Variants in FSIP1 observed in about 807,000 individuals in gnomAD.
FSIP1 encodes fibrous sheath interacting protein 1.
In FSIP1, 65 loss-of-function variants were observed where a neutral mutation model predicts 60.9. The ratio of observed to expected loss-of-function variants is 1.07; its 90% CI spans 0.87 to 1.31. FSIP1 has a LOEUF of 1.31. Among genes scored for constraint, FSIP1 ranks in the 40% most tolerant of loss-of-function variants. FSIP1 has a pLI of 0.00. For synonymous variants in FSIP1, 209 were observed against 221.2 expected, an observed-to-expected ratio of 0.94 and a Z score of 0.49; for missense variants, 675 against 665.5, an observed-to-expected ratio of 1.01 and a Z score of -0.16.
intron 10 of FSIP1, among the ~76,000 whole-genome samples, chr15:39,668,023 G>A (rs1566877144): frequency 6.6e-6 from 1 of 152,148 alleles, no homozygotes; most frequent in Non-Finnish European, 1.5e-5. Context: ...GAACGGGGTT[G>A]AAAATAAACC....
intron 10 of FSIP1, among the ~76,000 whole-genome samples, chr15:39,700,536 GT>G (rs1482929643): frequency 6.6e-6 from 1 of 152,098 alleles, no homozygotes; most frequent in African/African-American, 2.4e-5. Context: ...TGACCACAAT[GT>G]TTTTTTAAAG....
chr15:39,659,234 C>T (rs1182781772), intron 10 of FSIP1, among the ~76,000 whole-genome samples: 1 of 151,952 alleles, frequency 6.6e-6, no homozygotes, highest in Admixed American at 6.6e-5. Context: ...AAGGATGTAC[C>T]CTCTGTGAGT....
At chr15:39,629,577 C>T (rs1025853189) in intron 10 of FSIP1, among the ~76,000 whole-genome samples, 1 of 152,154 alleles carries the variant, frequency 6.6e-6, no homozygotes, top group African/African-American at 2.4e-5. Flanking sequence ...CTGCGCACAC[C>T]CTCCTCAGGA....
At chr15:39,662,392 C>A (rs1015350805) in intron 10 of FSIP1, among the ~76,000 whole-genome samples, 1 of 152,050 alleles carries the variant, frequency 6.6e-6, no homozygotes, top group Non-Finnish European at 1.5e-5. Flanking sequence ...CAGAAGAGTT[C>A]TTTAGAAGAG....
intron 10 of FSIP1, among the ~76,000 whole-genome samples, chr15:39,674,859 A>C (rs1432981845): frequency 1.3e-5 from 2 of 152,222 alleles, no homozygotes; most frequent in African/African-American, 4.8e-5. Flanking sequence ...TTTAAAAACA[A>C]GGACATACGA....
intron 5 of FSIP1, among the ~76,000 whole-genome samples, chr15:39,761,310 T>C (rs1897489378): frequency 6.6e-6 from 1 of 152,246 alleles, no homozygotes; most frequent in Non-Finnish European, 1.5e-5. Flanking sequence ...AGCCAAGTTA[T>C]GGAATAACCT....
chr15:39,601,485 G>T (rs58716252), intron 11 of FSIP1, among the ~76,000 whole-genome samples: 1 of 152,182 alleles, frequency 6.6e-6, no homozygotes, highest in South Asian at 2.1e-4. Flanking sequence ...TGGTGCAGTA[G>T]CTTTAGAAAC....
At chr15:39,601,440 T>C (rs1890635402) in intron 11 of FSIP1, among the ~76,000 whole-genome samples, 2 of 152,336 alleles carry the variant, frequency 1.3e-5, no homozygotes, top group South Asian at 4.1e-4. Flanking sequence ...CAGGAGAAAC[T>C]GGAACCTTCA....
At chr15:39,617,666 A>G in intron 11 of FSIP1, 69 bp downstream of exon 11, 2 of 1,344,664 alleles carry the variant, frequency 1.5e-6, no homozygotes, top group Non-Finnish European at 2.0e-6. Flanking sequence ...TCTAATTTAA[A>G]CCATAATACC....
At chr15:39,688,018 G>C (rs1894451188) in intron 10 of FSIP1, among the ~76,000 whole-genome samples, 2 of 152,116 alleles carry the variant, frequency 1.3e-5, no homozygotes, top group Admixed American at 1.3e-4. Context: ...TTAGGCTAAG[G>C]GGCCTGCCAA....
chr15:39,618,218 C>G lies in FSIP1; in HGVS notation c.1216G>C (p.Glu406Gln). ...TCATCCAGAAGACACTTTAACTGTTCTTCAGAGAGACATGATGTGGACTCT... is the reference window on the plus strand; with the variant it reads ...TCATCCAGAAGACACTTTAACTGTTGTTCAGAGAGACATGATGTGGACTCT... ...VLESTSCLSE[E>Q]QLKCLLDECI... Residue 406 changes from glutamate to glutamine, a missense_variant, in exon 11 of 12, where the codon GAA (glutamate) becomes CAA (glutamine). By Grantham distance (29) the Glu-to-Gln change is conservative (BLOSUM62 2). Coordinates refer to ENST00000350221, the MANE Select transcript of FSIP1 (RefSeq NM_152597.5). The G allele has an allele frequency of 6.2e-7, 1 of 1,608,994 alleles. No homozygotes were observed. The highest frequency in any genetic ancestry group is 1.7e-5 in the Admixed American group (1 of 59,920).
At chr15:39,653,622 G>A (rs566498003) in intron 10 of FSIP1, among the ~76,000 whole-genome samples, 5 of 152,236 alleles carry the variant, frequency 3.3e-5, no homozygotes, top group East Asian at 3.9e-4. Context: ...GGGAGGGACC[G>A]GGTGGGAGAT....
intron 9 of FSIP1, among the ~76,000 whole-genome samples, chr15:39,714,959 T>G (rs1212122061): frequency 1.7e-5 from 2 of 117,900 alleles, no homozygotes; most frequent in Non-Finnish European, 3.3e-5. Flanking sequence ...GGCAACAGAA[T>G]GAGACTCTGT....
At chr15:39,650,822 C>T (rs1039968547) in intron 10 of FSIP1, among the ~76,000 whole-genome samples, 2 of 152,356 alleles carry the variant, frequency 1.3e-5, no homozygotes, top group African/African-American at 4.8e-5. Context: ...AGTCTCTGTG[C>T]TCTGCTTTCT....
chr15:39,644,484 C>T (rs907653304), intron 10 of FSIP1, among the ~76,000 whole-genome samples: 6 of 152,140 alleles, frequency 3.9e-5, no homozygotes, highest in African/African-American at 1.4e-4. Context: ...ATCAGTCAAA[C>T]CTGCCAGGAT....
At chr15:39,765,388 G>T in intron 4 of FSIP1, among the ~76,000 whole-genome samples, 1 of 151,788 alleles carries the variant, frequency 6.6e-6, no homozygotes, top group Middle Eastern at 3.4e-3. Flanking sequence ...CAACAAGCAC[G>T]TACTACCATG....
intron 10 of FSIP1, among the ~76,000 whole-genome samples, chr15:39,674,346 A>G (rs534224043): frequency 2.6e-5 from 4 of 152,274 alleles, no homozygotes; most frequent in Admixed American, 6.5e-5. Context: ...GAGCCACTGC[A>G]TCCGGCCAAA....
intron 10 of FSIP1, among the ~76,000 whole-genome samples, chr15:39,626,969 G>A (rs568731917): frequency 2.9e-4 from 43 of 148,858 alleles, no homozygotes; most frequent in Non-Finnish European, 2.7e-4. Flanking sequence ...GCACTATCTG[G>A]ACCCTTCCCC....
At chr15:39,734,093 A>G (rs1896518941) in intron 8 of FSIP1, among the ~76,000 whole-genome samples, 1 of 152,224 alleles carries the variant, frequency 6.6e-6, no homozygotes, top group South Asian at 2.1e-4. Flanking sequence ...GTTTTTAAAG[A>G]CACACACAAA....
Sources: allele counts gnomAD v4.1 joint callset (sites outside exome capture counted in the v4.1 genomes callset), GRCh38; gene constraint gnomAD v4.1.1; transcripts MANE v1.5; gene names NCBI Gene and HGNC (gene_info 2026-07-23, HGNC 2026-07-21).